PROCA1: variants seen among roughly 807,000 people sequenced by gnomAD.
PROCA1 encodes the protein protein interacting with cyclin A1, also known as protein PROCA1.
Under a neutral mutation model 23.2 loss-of-function variants are expected in PROCA1, and 22 were observed. That is an observed-to-expected ratio of 0.95 (90% CI 0.68 to 1.35). The LOEUF (loss-of-function observed/expected upper bound fraction) is 1.35, where lower values mean the gene tolerates loss of function less well. Among genes scored for constraint, PROCA1 ranks in the 40% most tolerant of loss-of-function variants. The pLI is 0.00. For missense variants in PROCA1, 469 were observed against 459.8 expected (o/e 1.02, Z -0.18); for synonymous variants, 182 against 179.2 (o/e 1.02, Z -0.12).
chr17:28,704,579 T>C (rs1320017901), intron 3 of PROCA1, 129 bp downstream of exon 3: 1 of 1,557,356 alleles, frequency 6.4e-7, no homozygotes, highest in South Asian at 1.2e-5. Flanking sequence ...GAGCAAGGTG[T>C]GCAGAGCTGG....
At position 28,704,746 on chromosome 17, in the gene PROCA1, C is replaced by T; in HGVS notation, c.273G>A (p.Leu91=). ...PFASDCVRHS[L]HLHSVNHCNC... is the part of the protein sequence containing the mutation. Reference sequence around the variant, plus strand: ...TGCAGTGGTTGACAGAGTGTAGGTGCAGGCTGTGGCGGACACAGTCAGAGG... The same window carrying T: ...TGCAGTGGTTGACAGAGTGTAGGTGTAGGCTGTGGCGGACACAGTCAGAGG... The change falls in exon 3 of 5, where the codon CTG becomes CTA. Residue 91 remains leucine (L), a synonymous_variant. Transcript: ENST00000682792. The T allele has an allele frequency of 1.2e-6, 2 of 1,614,076 alleles. No homozygotes were observed. The highest frequency in any genetic ancestry group is 1.7e-6 in the Non-Finnish European group (2 of 1,179,976).
At position 28,703,493 on chromosome 17, in the gene PROCA1, G is replaced by A; in HGVS notation, c.*65C>T. The A allele has an allele frequency of 6.6e-7, 1 of 1,515,010 alleles. No individual in the cohort carries two copies. The highest frequency in any genetic ancestry group is 1.3e-5 in the South Asian group (1 of 79,566). The allele number at this position is 1,515,010 out of a possible 1,614,324, so 93.8% of individuals were successfully genotyped here. On this transcript the variant is annotated 3_prime_UTR_variant, in exon 5 of 5. Transcript: ENST00000682792. ...AAGAAACAGCCAGGTTGGAGGGAGA[G>A]AACAGCAGCAGAGGGCCAGCCACAG...
At chr17:28,709,919 C>T (rs1481364045) in intron 1 of PROCA1, among the ~76,000 whole-genome samples, 1 of 152,060 alleles carries the variant, frequency 6.6e-6, no homozygotes. Flanking sequence ...ATCGCTTGAA[C>T]CCCAGAAGTG....
rs2032220357 is a variant in PROCA1 at position 28,703,400 on chromosome 17, G to T, written c.*158C>A. The stretch of plus-strand genomic sequence containing the variant: ...TTCCCTCCCACCTGCCTTCCCATGG[G>T]CTTCCTTTGTGAAAGCTGGATTGCC... On this transcript the variant is annotated 3_prime_UTR_variant, in exon 5 of 5. Transcript: ENST00000682792. The T allele has an allele frequency of 1.4e-6, 1 of 731,744 alleles. No individual in the cohort carries two copies. Among genetic ancestry groups the T allele is most frequent in the Non-Finnish European group, 2.2e-6 (1 of 445,348 alleles). The allele number at this position is 731,744 out of a possible 1,614,324, so 45.3% of individuals were successfully genotyped here. A position where few individuals can be genotyped will look rare whatever the true frequency, so the allele number is the denominator to read the frequency against.
At chr17:28,710,973 T>C in intron 1 of PROCA1, 1 of 1,119,222 alleles carries the variant, frequency 8.9e-7, no homozygotes, top group Non-Finnish European at 1.1e-6. Flanking sequence ...CCGAAAGGAG[T>C]AGGGTGGGAA....
In PROCA1 at chr17:28,703,914, C is replaced by T. The variant is rs1567711743; in HGVS notation, c.739G>A (p.Glu247Lys). 6.2e-7 allele frequency: 1 copy of T among 1,613,938 alleles called. No homozygotes were observed. The highest frequency in any genetic ancestry group is 1.3e-5 in the African/African-American group (1 of 75,018). Reference sequence around the variant, plus strand: ...AGCTTTGCCTTCTCATCCATCTCCTCCTTGTCTTTCTCTTTTTCCTTTTTC... The same window carrying T: ...AGCTTTGCCTTCTCATCCATCTCCTTCTTGTCTTTCTCTTTTTCCTTTTTC... ...KKKKEKEKDK[E>K]EMDEKAKLKK... Residue 247 changes from glutamate (E) to lysine (K), a missense_variant, in exon 5 of 5, where the codon GAG becomes AAG. Transcript: ENST00000682792.
At position 28,704,293 on chromosome 17, in the gene PROCA1, C is replaced by T. The variant is rs771007399; in HGVS notation, c.440+14G>A. On this transcript the variant is annotated intron_variant, in intron 4 of 4. Transcript: ENST00000682792. ...AGAGGCCCCTTCCCCATCAGCCCAC[C>T]GGGGCTCACTCACCAGCCATACCGG... is the stretch of plus-strand genomic sequence containing the variant. 5.6e-6 allele frequency: 9 copies of T among 1,606,708 alleles called. No homozygotes were observed. Among genetic ancestry groups the T allele is most frequent in the South Asian group, 1.1e-5 (1 of 89,812 alleles).
chr17:28,710,978 T>TAGGGG, intron 1 of PROCA1: 1 of 312,602 alleles, frequency 3.2e-6, no homozygotes, highest in Non-Finnish European at 4.4e-6. Context: ...AGGAGTAGGG[T>TAGGGG]GGGAAGGGAG....
rs995971085 is a variant in PROCA1 at position 28,703,246 on chromosome 17, C to G, written c.*312G>C. ...GGGGTATCGCTGCAGACAGTACTGC[C>G]TGTCCCAGAAGTGGATTTCACACAG... On this transcript the variant is annotated 3_prime_UTR_variant, in exon 5 of 5. Transcript: ENST00000682792. 2.7e-6 allele frequency: 1 copy of G among 373,358 alleles called. No homozygotes were observed. The highest frequency in any genetic ancestry group is 4.9e-6 in the Non-Finnish European group (1 of 205,968). The allele number at this position is 373,358 out of a possible 1,614,324, so 23.1% of individuals were successfully genotyped here.
chr17:28,704,276 C>T (rs1254394469), intron 4 of PROCA1, 31 bp downstream of exon 4: 1 of 1,596,046 alleles, frequency 6.3e-7, no homozygotes. Context: ...GTAGAGGCCC[C>T]TTCCCCATCA....
chr17:28,703,451 C>A lies in PROCA1; in HGVS notation c.*107G>T, dbSNP rs1597727093. ...TTTGAGAAACCCCTGCAGCCCTGAG[C>A]CCACCCCTTGCCCCGCAAGAAACAG... On this transcript the variant is annotated 3_prime_UTR_variant, in exon 5 of 5. Coordinates refer to ENST00000682792, the MANE Select transcript of PROCA1 (RefSeq NM_001366301.1). 8 of 1,221,940 alleles carry A rather than the reference C, an allele frequency of 6.5e-6. No individual in the cohort carries two copies. In the East Asian group the frequency reaches 1.6e-4, roughly 25 times the overall value. 75.7% of individuals were successfully genotyped at this position (1,221,940 alleles called of 1,614,324 possible).
In PROCA1 at chr17:28,706,779, G is replaced by A. The variant is rs1395497156; in HGVS notation, c.92-16C>T. On this transcript the variant is annotated splice_polypyrimidine_tract_variant and intron_variant, in intron 1 of 4. Coordinates refer to ENST00000682792, the MANE Select transcript of PROCA1 (RefSeq NM_001366301.1). ...CTGTTTACATCTGAGAGAGCATAGA[G>A]TGGCAGTGGTGGCAGCAGCCCCCTC... 6 of 1,303,008 alleles carry A rather than the reference G, an allele frequency of 4.6e-6. No individual in the cohort carries two copies. In the African/African-American group the frequency reaches 9.1e-5, roughly 20 times the overall value. 80.7% of individuals were successfully genotyped at this position (1,303,008 alleles called of 1,614,324 possible).
rs1555553420 is a variant in PROCA1 at position 28,710,529 on chromosome 17, A to AAAG, written c.91+1040_91+1041insCTT. Among the ~76,000 whole-genome samples, 1,069 of 142,016 alleles carry AAAG rather than the reference A, an allele frequency of 7.5e-3. 23 individuals carry two copies. The highest frequency in any genetic ancestry group is 0.014 in the South Asian group (60 of 4,354). The allele number at this position is 142,016 out of a possible 152,430, so 93.2% of individuals were successfully genotyped here. A position where few individuals can be genotyped will look rare whatever the true frequency, so the allele number is the denominator to read the frequency against. ...CTCAAAAAAAAAAAAAAAAAAAAAA[A>AAAG]GCACACATGCAGGGTCAGAGCCTGT... is the stretch of plus-strand genomic sequence containing the variant. On this transcript the variant is annotated intron_variant, in intron 1 of 4. Coordinates refer to ENST00000682792, the MANE Select transcript of PROCA1 (RefSeq NM_001366301.1).
intron 1 of PROCA1, among the ~76,000 whole-genome samples, chr17:28,708,561 A>G (rs1405095798): frequency 6.6e-6 from 1 of 152,090 alleles, no homozygotes. Context: ...ACATCCACCA[A>G]TGAAATGACA....
chr17:28,703,280 C>T lies in PROCA1; in HGVS notation c.*278G>A, dbSNP rs192723391. On this transcript the variant is annotated 3_prime_UTR_variant, in exon 5 of 5. Transcript: ENST00000682792. The stretch of plus-strand genomic sequence containing the variant: ...AAGTGGATTTCACACAGACCAGTCT[C>T]TCGCAGCAGAGAGGGGAAGCCCTCC... The T allele has an allele frequency of 2.1e-6, 1 of 469,206 alleles. No individual in the cohort carries two copies. The allele number at this position is 469,206 out of a possible 1,614,324, so 29.1% of individuals were successfully genotyped here. A position where few individuals can be genotyped will look rare whatever the true frequency, so the allele number is the denominator to read the frequency against.
At chr17:28,708,731 GAAAA>G (rs557817689) in intron 1 of PROCA1, among the ~76,000 whole-genome samples, 2 of 100,980 alleles carry the variant, frequency 2.0e-5, no homozygotes, top group African/African-American at 7.5e-5. Context: ...CCAGAAAAAG[GAAAA>G]AAAAAAAAAA....
chr17:28,709,036 C>T (rs987376402), intron 1 of PROCA1, among the ~76,000 whole-genome samples: 10 of 152,262 alleles, frequency 6.6e-5, no homozygotes, highest in Admixed American at 5.9e-4. Flanking sequence ...CCCACCACAG[C>T]CCCATTCTAT....
At chr17:28,707,114 T>C (rs1365766651) in intron 1 of PROCA1, 6 of 268,006 alleles carry the variant, frequency 2.2e-5, no homozygotes, top group Non-Finnish European at 2.3e-5. Context: ...GAGTTAGTGA[T>C]GAATAGGAGC....
intron 1 of PROCA1, among the ~76,000 whole-genome samples, chr17:28,710,434 G>A (rs553741629): frequency 6.6e-6 from 1 of 151,094 alleles, no homozygotes; most frequent in East Asian, 2.0e-4. Flanking sequence ...TTGAACCCGG[G>A]AGGTGGAGTT....
Sources: allele counts gnomAD v4.1 joint callset (sites outside exome capture counted in the v4.1 genomes callset), GRCh38; gene constraint gnomAD v4.1.1; transcripts MANE v1.5; gene names NCBI Gene and HGNC (gene_info 2026-07-23, HGNC 2026-07-21).